The following CFAP418 variants were observed in gnomAD, a reference collection of about 807,000 sequenced individuals.
CFAP418 encodes the protein cilia- and flagella-associated protein 418.
A neutral mutation model predicts 24.7 loss-of-function variants in CFAP418; 27 were observed. The ratio of observed to expected loss-of-function variants is 1.09; its 90% CI spans 0.81 to 1.51. CFAP418 has a LOEUF of 1.51. CFAP418 is among the 40% of genes most tolerant of loss of function. The pLI, the probability that CFAP418 is intolerant of heterozygous loss-of-function variation, is 0.00. For missense variants in CFAP418, 257 were observed against 255.2 expected, an observed-to-expected ratio of 1.01 and a Z score of -0.05; for synonymous variants, 74 against 87.3, an observed-to-expected ratio of 0.85 and a Z score of 0.85.
At chr8:95,253,628 A>G (rs1367324391) in intron 4 of CFAP418, among the ~76,000 whole-genome samples, 14 of 152,266 alleles carry the variant, frequency 9.2e-5, no homozygotes, top group African/African-American at 3.4e-4. Flanking sequence ...AATAATAATG[A>G]AACATTTAAA....
At chr8:95,254,571 G>T (rs1053216238) in intron 4 of CFAP418, among the ~76,000 whole-genome samples, 2 of 152,154 alleles carry the variant, frequency 1.3e-5, no homozygotes, top group Admixed American at 1.3e-4. Flanking sequence ...CAAGAGCTTT[G>T]TTCTTTTGTC....
At chr8:95,261,487 C>T (rs1228152683) in intron 2 of CFAP418, among the ~76,000 whole-genome samples, 1 of 152,012 alleles carries the variant, frequency 6.6e-6, no homozygotes, top group East Asian at 1.9e-4. Context: ...GGGAACAGTT[C>T]AGAAATGCGA....
Position 95,247,444 on chromosome 8 carries a change from A to T in CFAP418, c.*173T>A. The T allele has an allele frequency of 1.5e-6, 1 of 652,546 alleles. No homozygotes were observed. The highest frequency in any genetic ancestry group is 2.6e-6 in the Non-Finnish European group (1 of 385,070). 40.4% of individuals were successfully genotyped at this position (652,546 alleles called of 1,614,324 possible). A position where few individuals can be genotyped will look rare whatever the true frequency, so the allele number is the denominator to read the frequency against. On this transcript the variant is annotated 3_prime_UTR_variant, in exon 6 of 6. Transcript: ENST00000286688. The stretch of plus-strand genomic sequence containing the variant: ...AGGAATAATTCCAAAGTGTTATAAT[A>T]CATGATCTTCCTTAGTCCATTTGGT...
Position 95,246,661 on chromosome 8 carries a change from C to T in CFAP418, c.*956G>A, listed in dbSNP as rs1811626228. On this transcript the variant is annotated 3_prime_UTR_variant, in exon 6 of 6. Transcript: ENST00000286688. The stretch of plus-strand genomic sequence containing the variant: ...TGAATGTGCTGCTATTGTAGGGCTC[C>T]TCAGATCTCAGTGATGTCAGGAAGG... The T allele has an allele frequency of 6.6e-6, 1 of 152,090 alleles. No homozygotes were observed. Among genetic ancestry groups the T allele is most frequent in the African/African-American group, 2.4e-5 (1 of 41,382 alleles). 9.4% of individuals were successfully genotyped at this position (152,090 alleles called of 1,614,324 possible).
At chr8:95,248,184 AT>A (rs1304196977) in intron 5 of CFAP418, among the ~76,000 whole-genome samples, 1 of 152,070 alleles carries the variant, frequency 6.6e-6, no homozygotes, top group African/African-American at 2.4e-5. Context: ...AACAACCTAG[AT>A]CCCCTCACAC....
At chr8:95,264,542 A>C (rs1000685468) in intron 1 of CFAP418, among the ~76,000 whole-genome samples, 24 of 152,202 alleles carry the variant, frequency 1.6e-4, no homozygotes, top group African/African-American at 5.8e-4. Flanking sequence ...TAGTGGGAGA[A>C]AAGGCTTGGA....
At chr8:95,268,849 CA>C (rs1812075559) in intron 1 of CFAP418, 185 bp downstream of exon 1, 1 of 631,818 alleles carries the variant, frequency 1.6e-6, no homozygotes, top group Admixed American at 2.7e-5. Flanking sequence ...GAAGAGGTGC[CA>C]GAATCCGCGA....
At chr8:95,268,751 C>CGGGCGGGCGGGGCG (rs1812060991) in intron 1 of CFAP418, 1 of 113,556 alleles carries the variant, frequency 8.8e-6, no homozygotes, top group Non-Finnish European at 1.5e-5. Context: ...GCGGGCTCTG[C>CGGGCGGGCGGGGCG]GGGCGGGGCG....
At position 95,252,240 on chromosome 8, in the gene CFAP418, C is replaced by G; in HGVS notation, c.418G>C (p.Val140Leu). 6.2e-7 allele frequency: 1 copy of G among 1,613,856 alleles called. No homozygotes were observed. Among genetic ancestry groups the G allele is most frequent in the Non-Finnish European group, 8.5e-7 (1 of 1,179,894 alleles). ...LRCIACDFLV[V>L]SYDDYMWDKS... is the part of the protein sequence containing the mutation. ...TCCCACATATAGTCATCATAGCTGA[C>G]TACCAAGAAATCACAGGCTATACAA... is the stretch of plus-strand genomic sequence containing the variant. Residue 140 changes from valine (V) to leucine (L), a missense_variant, in exon 5 of 6, where the codon GTC becomes CTC. By Grantham distance (32) the Val-to-Leu change is conservative. Coordinates refer to ENST00000286688, the MANE Select transcript of CFAP418 (RefSeq NM_177965.4).
At chr8:95,268,954 T>G (rs957120340) in intron 1 of CFAP418, 81 bp downstream of exon 1, 1 of 1,479,674 alleles carries the variant, frequency 6.8e-7, no homozygotes. Flanking sequence ...CACGTTTCTT[T>G]TGGGTTGGGC....
chr8:95,268,821 G>A (rs947705787), intron 1 of CFAP418: 4 of 423,412 alleles, frequency 9.4e-6, no homozygotes, highest in Admixed American at 4.0e-5. Context: ...ATGCCGGGGG[G>A]CGGAGTCTGC....
At position 95,252,254 on chromosome 8, in the gene CFAP418, C is replaced by A; in HGVS notation, c.404G>T (p.Cys135Phe). The change falls in exon 5 of 6, where the codon TGT (cysteine) becomes TTT (phenylalanine). Residue 135 changes from cysteine (C) to phenylalanine (F), a missense_variant. Coordinates refer to ENST00000286688, the MANE Select transcript of CFAP418 (RefSeq NM_177965.4). The stretch of plus-strand genomic sequence containing the variant: ...ATCATAGCTGACTACCAAGAAATCA[C>A]AGGCTATACAACGCAGATGGTCACA... The part of the protein sequence containing the change: ...RACDHLRCIA[C>F]DFLVVSYDDY... The A allele has an allele frequency of 6.2e-7, 1 of 1,613,764 alleles. No individual in the cohort carries two copies. Among genetic ancestry groups the A allele is most frequent in the Non-Finnish European group, 8.5e-7 (1 of 1,179,804 alleles).
At chr8:95,263,429 T>C (rs960500112) in intron 2 of CFAP418, among the ~76,000 whole-genome samples, 5 of 152,172 alleles carry the variant, frequency 3.3e-5, no homozygotes, top group African/African-American at 1.2e-4. Context: ...GTGACCAGCT[T>C]GATGTGTGAG....
At chr8:95,261,155 C>G (rs1011440316) in intron 2 of CFAP418, among the ~76,000 whole-genome samples, 2 of 152,060 alleles carry the variant, frequency 1.3e-5, no homozygotes, top group African/African-American at 2.4e-5. Context: ...CATAAACCAA[C>G]CACACACTAG....
chr8:95,267,599 G>A (rs144387768), intron 1 of CFAP418, among the ~76,000 whole-genome samples: 2,524 of 152,126 alleles, frequency 0.017, 42 homozygotes, highest in Non-Finnish European at 0.019. Context: ...AAATAAATAA[G>A]TAAATAAAAT....
At chr8:95,264,861 T>C (rs1282182680) in intron 1 of CFAP418, among the ~76,000 whole-genome samples, 1 of 152,220 alleles carries the variant, frequency 6.6e-6, no homozygotes, top group Non-Finnish European at 1.5e-5. Flanking sequence ...ACTGTAACTT[T>C]TACCCTTAAT....
chr8:95,261,261 T>C (rs1221091336), intron 2 of CFAP418, among the ~76,000 whole-genome samples: 1 of 152,250 alleles, frequency 6.6e-6, no homozygotes, highest in East Asian at 1.9e-4. Flanking sequence ...GGAAATTTAA[T>C]AGAGGCGAAA....
At chr8:95,259,722 TA>T in intron 4 of CFAP418, 117 bp downstream of exon 4, 1 of 763,452 alleles carries the variant, frequency 1.3e-6, no homozygotes, top group Non-Finnish European at 2.2e-6. Context: ...GATTAGCTAA[TA>T]AAAATACCTC....
chr8:95,267,147 A>C (rs949952561), intron 1 of CFAP418, among the ~76,000 whole-genome samples: 13 of 152,254 alleles, frequency 8.5e-5, no homozygotes, highest in African/African-American at 3.1e-4. Flanking sequence ...TATTTACAAC[A>C]TCCAGCCAAA....
Sources: gnomAD v4.1 joint callset for allele counts (sites outside exome capture counted in the v4.1 genomes callset) on GRCh38, gnomAD v4.1.1 for gene constraint, MANE v1.5 for transcripts, NCBI Gene and HGNC (gene_info 2026-07-23, HGNC 2026-07-21) for gene names.